The following SEMA7A variants were observed in gnomAD, a reference collection of about 807,000 sequenced individuals.
SEMA7A encodes the protein semaphorin 7A (JohnMiltonHagen blood group).
SEMA7A carries 21 observed loss-of-function variants against 67.5 expected under a neutral mutation model. That is an observed-to-expected ratio of 0.31 (90% CI 0.22 to 0.45). SEMA7A has a LOEUF of 0.45. SEMA7A is among the 20% of genes least tolerant of loss of function. The probability of loss-of-function intolerance (pLI) is 1.00; values close to 1 mark genes in which losing one functional copy is unlikely to be tolerated. For synonymous variants in SEMA7A, 364 were observed against 368.5 expected, an observed-to-expected ratio of 0.99 and a Z score of 0.14; for missense variants, 774 against 908.6, an observed-to-expected ratio of 0.85 and a Z score of 1.90.
At chr15:74,415,039 T>A (rs1452081913) in intron 8 of SEMA7A, 93 bp from the exon 9 acceptor site, 1 of 982,236 alleles carries the variant, frequency 1.0e-6, no homozygotes, top group Non-Finnish European at 1.6e-6. Context: ...GGCACTGAGT[T>A]GCCAACCACC....
At chr15:74,427,015 C>T (rs1567078374) in intron 1 of SEMA7A, among the ~76,000 whole-genome samples, 1 of 152,238 alleles carries the variant, frequency 6.6e-6, no homozygotes, top group Non-Finnish European at 1.5e-5. Context: ...CTGCACTTTG[C>T]TCCTGTTCTC....
chr15:74,431,033 T>G (rs747377091), intron 1 of SEMA7A, among the ~76,000 whole-genome samples: 40 of 152,210 alleles, frequency 2.6e-4, no homozygotes, highest in Non-Finnish European at 3.7e-4. Context: ...CCAAGCCTTC[T>G]TTAGCTCCTC....
In SEMA7A at chr15:74,416,631, G is replaced by C. The variant is rs1262140877; in HGVS notation, c.745C>G (p.Pro249Ala). ...KIYYFFREDNPDKNPEAPLNV... is the reference protein window; with the variant it reads ...KIYYFFREDNADKNPEAPLNV... ...AGAGGAGCCTCAGGATTCTTGTCAG[G>C]ATTGTCCTCTCGGAAGAAGTAGTAG... Residue 249 changes from proline (P) to alanine (A), a missense_variant, in exon 7 of 14, where the codon CCT (proline) becomes GCT (alanine). Pro to Ala is a conservative substitution (Grantham distance 27). This residue lies in a region of SEMA7A where 347 missense variants were observed against 353.2 expected (regional missense o/e 0.98). Coordinates refer to ENST00000261918, the MANE Select transcript of SEMA7A (RefSeq NM_003612.5). 1 of 1,614,160 alleles carries C rather than the reference G, an allele frequency of 6.2e-7. No homozygotes were observed. Among genetic ancestry groups the C allele is most frequent in the Admixed American group, 1.7e-5 (1 of 60,024 alleles).
chr15:74,433,932 G>A lies in SEMA7A; in HGVS notation c.-14C>T. ...AGGAGGCGTCATCCCGTGGCCCCGG[G>A]AGCGACAGCGGCAATCAGCCGAGAC... On this transcript the variant is annotated 5_prime_UTR_variant, in exon 1 of 14. Coordinates refer to ENST00000261918, the MANE Select transcript of SEMA7A (RefSeq NM_003612.5). The A allele has an allele frequency of 8.0e-7, 1 of 1,243,408 alleles. No individual in the cohort carries two copies. 77.0% of individuals were successfully genotyped at this position (1,243,408 alleles called of 1,614,324 possible). A position where few individuals can be genotyped will look rare whatever the true frequency, so the allele number is the denominator to read the frequency against.
At chr15:74,416,107 G>T in intron 7 of SEMA7A, 122 bp from the exon 8 acceptor site, 1 of 1,015,766 alleles carries the variant, frequency 9.8e-7, no homozygotes, top group Admixed American at 2.4e-5. Flanking sequence ...GGCTGTGAGG[G>T]GCCAGGACCT....
At chr15:74,425,386 C>T (rs189074698) in intron 1 of SEMA7A, among the ~76,000 whole-genome samples, 223 of 152,332 alleles carry the variant, frequency 1.5e-3, no homozygotes, top group African/African-American at 5.2e-3. Flanking sequence ...CAGCATTACA[C>T]AGCTAGTAAG....
Position 74,410,535 on chromosome 15 carries a change from A to C in SEMA7A, c.*89T>G. Reference sequence around the variant, plus strand: ...TGTCCCCTGGAAGAAGTGGCAGGCAAGGAGCTCCCGGGCCAGCCGGCTCTG... The same window carrying C: ...TGTCCCCTGGAAGAAGTGGCAGGCACGGAGCTCCCGGGCCAGCCGGCTCTG... On this transcript the variant is annotated 3_prime_UTR_variant, in exon 14 of 14. Transcript: ENST00000261918. This position sits in a 1 kb window ranked among gnomAD's most constrained non-coding sequence, Gnocchi z 7.5. The C allele has an allele frequency of 1.3e-6, 2 of 1,485,602 alleles. No homozygotes were observed. The highest frequency in any genetic ancestry group is 1.8e-6 in the Non-Finnish European group (2 of 1,108,078). 92.0% of individuals were successfully genotyped at this position (1,485,602 alleles called of 1,614,324 possible).
Position 74,410,942 on chromosome 15 carries a change from G to A in SEMA7A, c.1683C>T (p.Arg561=). 6.2e-7 allele frequency: 1 copy of A among 1,614,040 alleles called. No individual in the cohort carries two copies. Among genetic ancestry groups the A allele is most frequent in the Non-Finnish European group, 8.5e-7 (1 of 1,180,008 alleles). The change falls in exon 14 of 14, where the codon CGC becomes CGT. Residue 561 remains arginine (R), a synonymous_variant. Coordinates refer to ENST00000261918, the MANE Select transcript of SEMA7A (RefSeq NM_003612.5). The surrounding 1 kb of genome is among the most constrained non-coding windows in gnomAD (Gnocchi z 7.5). ...LQKVSLAPNS[R]YYLSCPMESR... The stretch of plus-strand genomic sequence containing the variant: ...ATTCCATGGGGCAGCTCAGGTAGTA[G>A]CGAGAGTTTGGGGCCAGGGAAACCT...
chr15:74,433,144 G>A (rs1008309827), intron 1 of SEMA7A, among the ~76,000 whole-genome samples: 4 of 152,016 alleles, frequency 2.6e-5, no homozygotes, highest in African/African-American at 9.7e-5. Context: ...ACCCCAAGCC[G>A]CCGCACCGCA....
chr15:74,417,503 T>C lies in SEMA7A; in HGVS notation c.551-58A>G. ...GCAGGCAGCTCCTGGAAGTCCCTCC[T>C]CCGGACACTGGACAAAGAGCTGACC... is the stretch of plus-strand genomic sequence containing the variant. On this transcript the variant is annotated intron_variant, in intron 5 of 13. Coordinates refer to ENST00000261918, the MANE Select transcript of SEMA7A (RefSeq NM_003612.5). The C allele has an allele frequency of 2.5e-6, 4 of 1,586,564 alleles. No homozygotes were observed. In the South Asian group the frequency reaches 4.4e-5, roughly 18 times the overall value.
intron 10 of SEMA7A, among the ~76,000 whole-genome samples, chr15:74,412,995 C>T (rs1381924249): frequency 1.3e-5 from 2 of 152,200 alleles, no homozygotes; most frequent in Non-Finnish European, 2.9e-5. Context: ...ACCTCACCTG[C>T]TCTCCCAGTT....
intron 1 of SEMA7A, among the ~76,000 whole-genome samples, chr15:74,428,830 G>C (rs28362873): frequency 0.045 from 6,838 of 152,318 alleles, 260 homozygotes; most frequent in African/African-American, 0.1. Context: ...AGGGCTTGGA[G>C]AGCCACCCCA....
intron 1 of SEMA7A, among the ~76,000 whole-genome samples, chr15:74,430,507 G>A (rs905939091): frequency 4.8e-4 from 73 of 152,258 alleles, no homozygotes; most frequent in Middle Eastern, 3.4e-3. Context: ...CCAGGCTCCC[G>A]ACCTCCCAGC....
chr15:74,411,870 T>G lies in SEMA7A; in HGVS notation c.1422+15A>C. On this transcript the variant is annotated intron_variant, in intron 11 of 13. Transcript: ENST00000261918. The surrounding 1 kb of genome is among the most constrained non-coding windows in gnomAD (Gnocchi z 4.4). ...TCACTGCATAGCCCATGGGACGCAG[T>G]GGGGGAAGGCTCACCCGCTCAGCAT... 1 of 1,613,402 alleles carries G rather than the reference T, an allele frequency of 6.2e-7. No homozygotes were observed. The highest frequency in any genetic ancestry group is 8.5e-7 in the Non-Finnish European group (1 of 1,179,914).
intron 1 of SEMA7A, among the ~76,000 whole-genome samples, chr15:74,425,703 T>C (rs1416448462): frequency 6.6e-6 from 1 of 152,210 alleles, no homozygotes; most frequent in East Asian, 1.9e-4. Flanking sequence ...CTGGGTTTTC[T>C]CACACTAGAA....
chr15:74,410,632 C>T lies in SEMA7A; in HGVS notation c.1993G>A (p.Val665Ile). Residue 665 changes from valine to isoleucine, a missense_variant, in exon 14 of 14, where the codon GTC becomes ATC. Val to Ile is a conservative substitution (Grantham distance 29). Transcript: ENST00000261918. This position sits in a 1 kb window ranked among gnomAD's most constrained non-coding sequence, Gnocchi z 7.5. ...CCCAGCCTCGGGAGGCCCTAGTGGA[C>T]CAGCAAGCCAAGAGTGAGTGTGGGC... ...VLPTLTLGLL[V>I]H 1 of 1,586,162 alleles carries T rather than the reference C, an allele frequency of 6.3e-7. No individual in the cohort carries two copies. Among genetic ancestry groups the T allele is most frequent in the Non-Finnish European group, 8.6e-7 (1 of 1,162,578 alleles).
rs117541932 is a variant in SEMA7A, at chr15:74,421,867, C to T, written c.179-2915G>A. 2.3e-4 allele frequency among the ~76,000 whole-genome samples: 35 copies of T among 152,332 alleles called. No individual in the cohort carries two copies. In the East Asian group the frequency reaches 6.6e-3, roughly 29 times the overall value. On this transcript the variant is annotated intron_variant, in intron 1 of 13. Coordinates refer to ENST00000261918, the MANE Select transcript of SEMA7A (RefSeq NM_003612.5). ...GGCAGGGGCTGAGCAAGGCCAGGGGCTACCCCTAAAAAGGCCAGGCCAAGG... is the reference window on the plus strand; with the variant it reads ...GGCAGGGGCTGAGCAAGGCCAGGGGTTACCCCTAAAAAGGCCAGGCCAAGG...
At chr15:74,418,017 C>T in intron 3 of SEMA7A, 48 bp from the exon 4 acceptor site, 1 of 1,586,268 alleles carries the variant, frequency 6.3e-7, no homozygotes, top group Non-Finnish European at 8.6e-7. Context: ...TGCTGGAAGG[C>T]CCTGGCAAGC....
intron 10 of SEMA7A, among the ~76,000 whole-genome samples, chr15:74,413,926 G>C (rs1265055430): frequency 6.6e-6 from 1 of 152,160 alleles, no homozygotes; most frequent in Admixed American, 6.5e-5. Context: ...ACTCAGGACT[G>C]GCTCCTCCGT....
Sources: gnomAD v4.1 joint callset for allele counts (sites outside exome capture counted in the v4.1 genomes callset) on GRCh38, gnomAD v4.1.1 for gene constraint, gnomAD v4.1.1 regional missense constraint, Gnocchi (gnomAD v3.1) non-coding constraint, MANE v1.5 for transcripts, NCBI Gene and HGNC (gene_info 2026-07-23, HGNC 2026-07-21) for gene names.